Variants in OPHN1 observed in about 807,000 individuals in gnomAD.
OPHN1 encodes oligophrenin-1.
In OPHN1, 11 loss-of-function variants were observed where a neutral mutation model predicts 60.7. That is an observed-to-expected ratio of 0.18 (90% confidence interval 0.11 to 0.30). OPHN1 has a LOEUF of 0.30. Among genes scored for constraint, OPHN1 ranks in the 10% least tolerant of loss-of-function variants. The probability of loss-of-function intolerance (pLI) is 1.00; values close to 1 mark genes in which losing one functional copy is unlikely to be tolerated. For missense variants in OPHN1, 449 were observed against 611.0 expected (o/e 0.73, Z 2.80); for synonymous variants, 226 against 222.6 (o/e 1.02, Z -0.14).
intron 5 of OPHN1, among the ~76,000 whole-genome samples, chrX:68,268,685 C>G (rs2077947828): frequency 9.0e-6 from 1 of 111,364 alleles, no homozygotes; most frequent in Admixed American, 9.6e-5. Flanking sequence ...TGGCACAAGA[C>G]AGGGATGCCC....
At chrX:68,407,071 G>A (rs1321184633) in intron 2 of OPHN1, among the ~76,000 whole-genome samples, 3 of 112,037 alleles carry the variant, frequency 2.7e-5, no homozygotes, top group Non-Finnish European at 5.6e-5. Context: ...GGGCGTAGTG[G>A]TGTGCACCTG....
At chrX:68,343,265 G>A (rs1458172322) in intron 2 of OPHN1, among the ~76,000 whole-genome samples, 2 of 81,455 alleles carry the variant, frequency 2.5e-5, no homozygotes, top group Non-Finnish European at 4.4e-5. Flanking sequence ...CAAGAGAGAA[G>A]CTCTGTCTCA....
chrX:68,081,566 T>C (rs991079568), intron 19 of OPHN1, among the ~76,000 whole-genome samples: 1 of 112,027 alleles, frequency 8.9e-6, no homozygotes, highest in African/African-American at 3.2e-5. Context: ...TCTGGTTTCA[T>C]GGTGCTTATA....
At chrX:68,265,713 G>T (rs1398060207) in intron 5 of OPHN1, among the ~76,000 whole-genome samples, 1 of 111,650 alleles carries the variant, frequency 9.0e-6, no homozygotes, top group Non-Finnish European at 1.9e-5. Flanking sequence ...GAAGGCTTCA[G>T]ATGATCAAAC....
chrX:68,429,629 G>A (rs1444962836), intron 2 of OPHN1, among the ~76,000 whole-genome samples: 1 of 110,692 alleles, frequency 9.0e-6, no homozygotes, highest in Non-Finnish European at 1.9e-5. Context: ...AGACTGAGGT[G>A]GGAGGATCAC....
At chrX:68,152,196 C>T (rs189712694) in intron 15 of OPHN1, among the ~76,000 whole-genome samples, 95 of 111,124 alleles carry the variant, frequency 8.5e-4, no homozygotes, top group African/African-American at 3.0e-3. Flanking sequence ...AACAAACATC[C>T]AAACCATATC....
intron 5 of OPHN1, among the ~76,000 whole-genome samples, chrX:68,266,617 C>A (rs2077929344): frequency 9.0e-6 from 1 of 111,560 alleles, no homozygotes; most frequent in Admixed American, 9.6e-5. Flanking sequence ...GAAACTGCAT[C>A]AACTAACGAG....
chrX:68,114,042 A>C (rs1294642453), intron 16 of OPHN1, among the ~76,000 whole-genome samples: 1 of 110,108 alleles, frequency 9.1e-6, no homozygotes, highest in Non-Finnish European at 1.9e-5. Flanking sequence ...GGTACTGGGG[A>C]TCCAGAGATG....
intron 2 of OPHN1, among the ~76,000 whole-genome samples, chrX:68,429,904 G>A (rs1437311484): frequency 1.8e-5 from 2 of 110,822 alleles, no homozygotes; most frequent in Non-Finnish European, 3.8e-5. Context: ...ATCTGGTGGT[G>A]TGTGCCTGTA....
intron 21 of OPHN1, 138 bp from the exon 22 acceptor site, chrX:68,053,948 A>ATTTTTTTT: frequency 2.2e-6 from 1 of 463,815 alleles, no homozygotes; most frequent in Non-Finnish European, 3.4e-6. Context: ...AACTCTGGCT[A>ATTTTTTTT]TTTTTTTTTT....
intron 2 of OPHN1, among the ~76,000 whole-genome samples, chrX:68,370,490 G>A (rs1406368052): frequency 9.5e-6 from 1 of 105,289 alleles, no homozygotes; most frequent in Non-Finnish European, 1.9e-5. Flanking sequence ...CTGGGCAATG[G>A]AGTGAGACTC....
intron 10 of OPHN1, among the ~76,000 whole-genome samples, chrX:68,202,627 G>A (rs991756760): frequency 1.0e-4 from 11 of 109,751 alleles, no homozygotes; most frequent in African/African-American, 3.7e-4. Context: ...AGCCTCCTGA[G>A]TAGCTGGGAT....
At chrX:68,323,529 G>A (rs1041747722) in intron 2 of OPHN1, among the ~76,000 whole-genome samples, 2 of 111,665 alleles carry the variant, frequency 1.8e-5, no homozygotes, top group African/African-American at 6.5e-5. Context: ...AAATTGTCTT[G>A]TTTATGGTCT....
chrX:68,104,406 A>C, intron 18 of OPHN1, among the ~76,000 whole-genome samples: 1 of 111,548 alleles, frequency 9.0e-6, no homozygotes, highest in East Asian at 2.8e-4. Context: ...GCTACCTGAC[A>C]TCAAACTATA....
intron 2 of OPHN1, among the ~76,000 whole-genome samples, chrX:68,422,278 T>C (rs2078829770): frequency 9.1e-6 from 1 of 110,143 alleles, no homozygotes; most frequent in Admixed American, 9.8e-5. Flanking sequence ...CCCAGCACTT[T>C]GGGAGGCTGA....
At chrX:68,165,360 T>G (rs1303815164) in intron 15 of OPHN1, among the ~76,000 whole-genome samples, 1 of 111,276 alleles carries the variant, frequency 9.0e-6, no homozygotes, top group Admixed American at 9.7e-5. Flanking sequence ...TGTGACTCAC[T>G]TGGACCCTAA....
At chrX:68,199,735 C>T (rs2077526808) in intron 11 of OPHN1, among the ~76,000 whole-genome samples, 1 of 112,153 alleles carries the variant, frequency 8.9e-6, no homozygotes, top group Non-Finnish European at 1.9e-5. Flanking sequence ...CAGCTTGTTT[C>T]TTCTGCTTAT....
At chrX:68,332,079 C>T (rs1011167986) in intron 2 of OPHN1, among the ~76,000 whole-genome samples, 1 of 111,121 alleles carries the variant, frequency 9.0e-6, no homozygotes, top group Admixed American at 9.7e-5. Flanking sequence ...AGAATGAGAA[C>T]GATCTGAAGC....
chrX:68,071,096 T>C (rs1228239020), intron 20 of OPHN1: 2 of 1,075,534 alleles, frequency 1.9e-6, no homozygotes, highest in South Asian at 1.9e-5. Flanking sequence ...TTGTCCAGCA[T>C]ATTATTGATC....
Sources: allele counts gnomAD v4.1 joint callset (sites outside exome capture counted in the v4.1 genomes callset), GRCh38; gene constraint gnomAD v4.1.1; transcripts MANE v1.5; gene names NCBI Gene and HGNC (gene_info 2026-07-23, HGNC 2026-07-21).